The following AHCYL2 variants were observed in gnomAD, a reference collection of about 807,000 sequenced individuals.
The protein encoded by AHCYL2 is S-adenosylhomocysteine hydrolase-like protein 2.
In AHCYL2, 28 loss-of-function variants were observed where a neutral mutation model predicts 81.4. The ratio of observed to expected loss-of-function variants is 0.34; its 90% CI spans 0.25 to 0.47. AHCYL2 has a LOEUF of 0.47. AHCYL2 is among the 20% of genes least tolerant of loss of function. The pLI is 1.00. For synonymous variants in AHCYL2, 272 were observed against 290.2 expected (o/e 0.94, Z 0.64); for missense variants, 551 against 785.1 (o/e 0.70, Z 3.56).
At chr7:129,241,213 G>A (rs2150689143) in intron 1 of AHCYL2, among the ~76,000 whole-genome samples, 1 of 152,286 alleles carries the variant, frequency 6.6e-6, no homozygotes, top group South Asian at 2.1e-4. Context: ...CATCAGAATA[G>A]TTTTATAAAC....
chr7:129,301,459 C>T (rs931733293), intron 1 of AHCYL2, among the ~76,000 whole-genome samples: 2 of 152,072 alleles, frequency 1.3e-5, no homozygotes, highest in African/African-American at 4.8e-5. Flanking sequence ...TGGAGAGTTT[C>T]CCCAATGTTT....
intron 1 of AHCYL2, among the ~76,000 whole-genome samples, chr7:129,314,668 C>A (rs1163370208): frequency 6.6e-6 from 1 of 152,184 alleles, no homozygotes; most frequent in Non-Finnish European, 1.5e-5. Context: ...TTCCCAAAGG[C>A]CTCACTTCCA....
rs1430552845 is a variant in AHCYL2, at chr7:129,339,978, A to G, written c.364-39660A>G. ...CCGTCGCCCAGGCTGGAGTGCAGTG[A>G]CGTGATCTCGGCTCACTGCAAGCTC... On this transcript the variant is annotated intron_variant, in intron 1 of 16. Transcript: ENST00000325006. Among the ~76,000 whole-genome samples, 6 of 123,514 alleles carry G rather than the reference A, an allele frequency of 4.9e-5. No individual in the cohort carries two copies. In the Admixed American group the frequency reaches 5.4e-4, roughly 11 times the overall value. The allele number at this position is 123,514 out of a possible 152,430, so 81.0% of individuals were successfully genotyped here. A position where few individuals can be genotyped will look rare whatever the true frequency, so the allele number is the denominator to read the frequency against.
At chr7:129,364,435 C>T (rs1032000874) in intron 1 of AHCYL2, among the ~76,000 whole-genome samples, 8 of 152,008 alleles carry the variant, frequency 5.3e-5, no homozygotes, top group African/African-American at 1.7e-4. Context: ...GGATTTTAGG[C>T]ACGGGCCACT....
chr7:129,374,504 T>TAA (rs113939567), intron 1 of AHCYL2, among the ~76,000 whole-genome samples: 4 of 141,852 alleles, frequency 2.8e-5, no homozygotes, highest in Non-Finnish European at 4.6e-5. Context: ...AGATTATCCT[T>TAA]AAAAAAAAAA....
intron 11 of AHCYL2, among the ~76,000 whole-genome samples, 169 bp downstream of exon 11, chr7:129,409,715 C>G (rs1796475211): frequency 6.6e-6 from 1 of 152,176 alleles, no homozygotes; most frequent in African/African-American, 2.4e-5. Context: ...AGAGCTCCGA[C>G]CAAAGGTATA....
chr7:129,286,833 C>A (rs1796651161), intron 1 of AHCYL2, among the ~76,000 whole-genome samples: 1 of 151,988 alleles, frequency 6.6e-6, no homozygotes. Context: ...TCAATACTTA[C>A]AATGTTAGGA....
intron 5 of AHCYL2, among the ~76,000 whole-genome samples, chr7:129,398,599 G>A (rs112801923): frequency 1.1e-4 from 16 of 147,750 alleles, no homozygotes; most frequent in African/African-American, 3.7e-4. Flanking sequence ...GGCTGGTCTC[G>A]AACTCCTGAC....
chr7:129,285,547 AC>A (rs1416615879), intron 1 of AHCYL2, among the ~76,000 whole-genome samples: 2 of 152,180 alleles, frequency 1.3e-5, no homozygotes, highest in Non-Finnish European at 2.9e-5. Context: ...AAAAAAAGGT[AC>A]AAAAAAAGGA....
intron 1 of AHCYL2, among the ~76,000 whole-genome samples, chr7:129,337,754 TTTC>T (rs1798655857): frequency 1.3e-5 from 2 of 152,070 alleles, no homozygotes; most frequent in East Asian, 3.9e-4. Flanking sequence ...CAGTCTTTCT[TTTC>T]TTTGAGATGG....
intron 2 of AHCYL2, among the ~76,000 whole-genome samples, chr7:129,382,922 T>C (rs1795033489): frequency 6.6e-6 from 1 of 152,128 alleles, no homozygotes. Flanking sequence ...AAATTAATAA[T>C]TTAAATGACT....
chr7:129,241,506 A>G (rs1280893506), intron 1 of AHCYL2, among the ~76,000 whole-genome samples: 1 of 152,014 alleles, frequency 6.6e-6, no homozygotes, highest in Non-Finnish European at 1.5e-5. Flanking sequence ...CAGGAGAATC[A>G]CTTTAACTCG....
intron 1 of AHCYL2, among the ~76,000 whole-genome samples, chr7:129,318,525 G>T (rs1797902583): frequency 6.6e-6 from 1 of 152,210 alleles, no homozygotes; most frequent in Non-Finnish European, 1.5e-5. Context: ...TAAATCCATG[G>T]TGGTGGGTAA....
chr7:129,321,109 ATAAT>A (rs1797998748), intron 1 of AHCYL2, among the ~76,000 whole-genome samples: 1 of 152,210 alleles, frequency 6.6e-6, no homozygotes, highest in South Asian at 2.1e-4. Context: ...TTCTACATAC[ATAAT>A]TGTTTCACCT....
At chr7:129,274,352 T>C (rs1245526537) in intron 1 of AHCYL2, among the ~76,000 whole-genome samples, 1 of 152,224 alleles carries the variant, frequency 6.6e-6, no homozygotes, top group African/African-American at 2.4e-5. Flanking sequence ...CATCTGGACC[T>C]GATTTAGATA....
chr7:129,391,547 C>G (rs533323077), intron 4 of AHCYL2, among the ~76,000 whole-genome samples: 2 of 152,234 alleles, frequency 1.3e-5, no homozygotes, highest in Admixed American at 1.3e-4. Context: ...AAAAATGCCC[C>G]CACAATTTTC....
At chr7:129,408,869 T>C (rs1796429330) in intron 10 of AHCYL2, among the ~76,000 whole-genome samples, 1 of 152,144 alleles carries the variant, frequency 6.6e-6, no homozygotes, top group African/African-American at 2.4e-5. Context: ...GTATAGAGTT[T>C]TAAGAAGGCA....
Position 129,406,010 on chromosome 7 carries a change from GA to G in AHCYL2, c.1206+116del. 1 of 1,018,180 alleles carries G rather than the reference GA, an allele frequency of 9.8e-7. No individual in the cohort carries two copies. Among genetic ancestry groups the G allele is most frequent in the Non-Finnish European group, 1.4e-6 (1 of 693,294 alleles). The allele number at this position is 1,018,180 out of a possible 1,614,324, so 63.1% of individuals were successfully genotyped here. A position where few individuals can be genotyped will look rare whatever the true frequency, so the allele number is the denominator to read the frequency against. ...GTACACCCTTTACCACTTTAGATGAGAAAAAGAATTTCAGAGGCCTTCTGGT... is the reference window on the plus strand; with the variant it reads ...GTACACCCTTTACCACTTTAGATGAGAAAAGAATTTCAGAGGCCTTCTGGT... On this transcript the variant is annotated intron_variant, in intron 9 of 16. Transcript: ENST00000325006. The surrounding 1 kb of genome is among the most constrained non-coding windows in gnomAD (Gnocchi z 4.3).
chr7:129,362,843 G>C (rs1357410684), intron 1 of AHCYL2, among the ~76,000 whole-genome samples: 1 of 152,000 alleles, frequency 6.6e-6, no homozygotes, highest in Non-Finnish European at 1.5e-5. Context: ...TTATCTCTAG[G>C]TTCCAGATTC....
Sources: gnomAD v4.1 joint callset for allele counts (sites outside exome capture counted in the v4.1 genomes callset) on GRCh38, gnomAD v4.1.1 for gene constraint, Gnocchi (gnomAD v3.1) non-coding constraint, MANE v1.5 for transcripts, NCBI Gene and HGNC (gene_info 2026-07-23, HGNC 2026-07-21) for gene names.